The following ZBTB4 variants were observed in gnomAD, a reference collection of about 807,000 sequenced individuals.
ZBTB4 encodes zinc finger and BTB domain containing 4.
In ZBTB4, 14 loss-of-function variants were observed where a neutral mutation model predicts 59.8. The observed-to-expected ratio is 0.23, with a 90% CI of 0.15 to 0.37. The LOEUF (loss-of-function observed/expected upper bound fraction) is 0.37, where lower values mean the gene tolerates loss of function less well. Among genes scored for constraint, ZBTB4 ranks in the 10% least tolerant of loss-of-function variants. The probability of loss-of-function intolerance (pLI) is 1.00; values close to 1 mark genes in which losing one functional copy is unlikely to be tolerated. For synonymous variants in ZBTB4, 587 were observed against 575.2 expected, an observed-to-expected ratio of 1.02 and a Z score of -0.29; for missense variants, 1,198 against 1,380.8, an observed-to-expected ratio of 0.87 and a Z score of 2.10.
At position 7,462,865 on chromosome 17, in the gene ZBTB4, C is replaced by G. The variant is rs2070047125; in HGVS notation, c.2117G>C (p.Ser706Thr). ...CTCGGCCGCTGGGGTTTCCTCCCAG[C>G]TCCTCCGTTCCAGCTTCTGCCTCCA... ...PRWRQKLERR[S>T]WEETPAAESP... Residue 706 changes from serine (S) to threonine (T), a missense_variant, in exon 4 of 4, where the codon AGC becomes ACC. By Grantham distance (58) the Ser-to-Thr change is moderately conservative (BLOSUM62 1). This residue lies in a region of ZBTB4 where 550 missense variants were observed against 541.8 expected (regional missense o/e 1.02). Coordinates refer to ENST00000380599, the MANE Select transcript of ZBTB4 (RefSeq NM_001128833.2). This position sits in a 1 kb window ranked among gnomAD's most constrained non-coding sequence, Gnocchi z 7.5. The G allele has an allele frequency of 2.5e-6, 4 of 1,605,764 alleles. No individual in the cohort carries two copies. Among genetic ancestry groups the G allele is most frequent in the Non-Finnish European group, 3.4e-6 (4 of 1,179,824 alleles).
intron 1 of ZBTB4, among the ~76,000 whole-genome samples, chr17:7,468,112 C>T (rs934148860): frequency 8.5e-5 from 13 of 152,214 alleles, no homozygotes; most frequent in African/African-American, 2.7e-4. Flanking sequence ...GGCTCACGCC[C>T]GTAATCCCAG....
chr17:7,463,952 C>T, intron 3 of ZBTB4, 62 bp from the exon 4 acceptor site: 1 of 1,546,244 alleles, frequency 6.5e-7, no homozygotes, highest in Non-Finnish European at 8.7e-7. Flanking sequence ...GGCCCTGAAG[C>T]CTCCCAGGTC....
upstream of ZBTB4, among the ~76,000 whole-genome samples, chr17:7,481,064 T>C (rs1040303870): frequency 6.7e-6 from 1 of 148,336 alleles, no homozygotes; most frequent in Non-Finnish European, 1.5e-5. Flanking sequence ...GAGGATGAGG[T>C]AGGAGAATTG....
Position 7,462,244 on chromosome 17 carries a change from G to A in ZBTB4, c.2738C>T (p.Ala913Val). The stretch of plus-strand genomic sequence containing the variant: ...GGGCTCAGGGTAGAAAGTGACTTTG[G>A]CAGCCCCTATCCCCTCCATCCGGTC... Reference protein sequence around the residue: ...EGDRMEGIGAAKVTFYPEPYP... With the variant: ...EGDRMEGIGAVKVTFYPEPYP... Residue 913 changes from alanine (A) to valine (V), a missense_variant, in exon 4 of 4, where the codon GCC (alanine) becomes GTC (valine). Transcript: ENST00000380599. This position sits in a 1 kb window ranked among gnomAD's most constrained non-coding sequence, Gnocchi z 7.5. The A allele has an allele frequency of 6.2e-7, 1 of 1,613,638 alleles. No homozygotes were observed. The highest frequency in any genetic ancestry group is 8.5e-7 in the Non-Finnish European group (1 of 1,179,828).
intron 1 of ZBTB4, among the ~76,000 whole-genome samples, chr17:7,471,646 T>TA (rs1390807695): frequency 6.6e-6 from 1 of 152,202 alleles, no homozygotes; most frequent in Non-Finnish European, 1.5e-5. Flanking sequence ...CAAGGCCTTA[T>TA]AGGAAGTGGA....
At chr17:7,464,814 G>A (rs1449651357) in intron 3 of ZBTB4, among the ~76,000 whole-genome samples, 1 of 150,708 alleles carries the variant, frequency 6.6e-6, no homozygotes, top group Admixed American at 6.6e-5. Flanking sequence ...CTCCAGCCTG[G>A]GGGACAGAGC....
intron 1 of ZBTB4, among the ~76,000 whole-genome samples, chr17:7,470,228 T>G (rs1437202637): frequency 6.6e-6 from 1 of 151,538 alleles, no homozygotes; most frequent in African/African-American, 2.4e-5. Context: ...AGAAACCTGG[T>G]CTCTACAAAA....
chr17:7,462,348 G>A lies in ZBTB4; in HGVS notation c.2634C>T (p.Ala878=), dbSNP rs1416694992. Residue 878 remains alanine (A), a synonymous_variant, in exon 4 of 4, where the codon GCC becomes GCT. Transcript: ENST00000380599. The surrounding 1 kb of genome is among the most constrained non-coding windows in gnomAD (Gnocchi z 7.5). The part of the protein sequence containing the change: ...VYPPVQEFPL[A]LIGGGREPGG... Reference sequence around the variant, plus strand: ...CAGGTTCCCGGCCGCCCCCAATCAAGGCCAGTGGAAATTCCTGCACAGGTG... The same window carrying A: ...CAGGTTCCCGGCCGCCCCCAATCAAAGCCAGTGGAAATTCCTGCACAGGTG... 1.2e-6 allele frequency: 2 copies of A among 1,613,772 alleles called. No homozygotes were observed. The highest frequency in any genetic ancestry group is 2.7e-5 in the African/African-American group (2 of 74,856).
At chr17:7,477,340 G>A (rs1489893314) in intron 1 of ZBTB4, among the ~76,000 whole-genome samples, 14 of 152,196 alleles carry the variant, frequency 9.2e-5, no homozygotes, top group Admixed American at 7.9e-4. Context: ...CAGATCAAGT[G>A]CCAGTGAGGG....
chr17:7,462,790 C>A lies in ZBTB4; in HGVS notation c.2192G>T (p.Cys731Phe). 6.2e-7 allele frequency: 1 copy of A among 1,602,428 alleles called. No individual in the cohort carries two copies. Reference sequence around the variant, plus strand: ...TCTCAGGGTGGTGAAGGTCTGGGCACAGTCCCCGCATCGGTGCCTCCGCTC... The same window carrying A: ...TCTCAGGGTGGTGAAGGTCTGGGCAAAGTCCCCGCATCGGTGCCTCCGCTC... ...RTERRHRCGD[C>F]AQTFTTLRKL... is the part of the protein sequence containing the mutation. Residue 731 changes from cysteine (C) to phenylalanine (F), a missense_variant, in exon 4 of 4, where the codon TGT (cysteine) becomes TTT (phenylalanine). Cys to Phe is a radical substitution (Grantham distance 205). This residue lies in a region of ZBTB4 where 550 missense variants were observed against 541.8 expected (regional missense o/e 1.02). Coordinates refer to ENST00000380599, the MANE Select transcript of ZBTB4 (RefSeq NM_001128833.2). The surrounding 1 kb of genome is among the most constrained non-coding windows in gnomAD (Gnocchi z 7.5).
Position 7,463,078 on chromosome 17 carries a change from T to G in ZBTB4, c.1904A>C (p.Glu635Ala). ...CTCCTCCTCTTCGTCCTCCTCACTC[T>G]CCTCCATCTCCTCTCCGCTCAGCTC... Reference protein sequence around the residue: ...PGELSGEEMEESEEDEEEEDE... With the variant: ...PGELSGEEMEASEEDEEEEDE... Residue 635 changes from glutamate to alanine, a missense_variant, in exon 4 of 4, where the codon GAG becomes GCG. By Grantham distance (107) the Glu-to-Ala change is moderately radical. This residue lies in a region of ZBTB4 where 550 missense variants were observed against 541.8 expected (regional missense o/e 1.02). Transcript: ENST00000380599. 3 of 1,610,864 alleles carry G rather than the reference T, an allele frequency of 1.9e-6. No homozygotes were observed. Among genetic ancestry groups the G allele is most frequent in the Non-Finnish European group, 2.5e-6 (3 of 1,179,404 alleles).
Position 7,461,068 on chromosome 17 carries a change from C to T in ZBTB4, c.*872G>A, listed in dbSNP as rs1424937658. The T allele has an allele frequency of 1.3e-5, 2 of 152,668 alleles. No individual in the cohort carries two copies. The highest frequency in any genetic ancestry group is 2.9e-5 in the Non-Finnish European group (2 of 68,056). 9.5% of individuals were successfully genotyped at this position (152,668 alleles called of 1,614,324 possible). ...TCTCCATCCCATATGGAGTTCTTCC[C>T]TCCTGGCCCCCAAATCTGGTCTAGC... On this transcript the variant is annotated 3_prime_UTR_variant, in exon 4 of 4. Coordinates refer to ENST00000380599, the MANE Select transcript of ZBTB4 (RefSeq NM_001128833.2).
In ZBTB4 at chr17:7,466,027, C is replaced by G. The variant is rs1567686663; in HGVS notation, c.775G>C (p.Gly259Arg). The change falls in exon 3 of 4, where the codon GGG becomes CGG. Residue 259 changes from glycine to arginine, a missense_variant. Coordinates refer to ENST00000380599, the MANE Select transcript of ZBTB4 (RefSeq NM_001128833.2). The surrounding 1 kb of genome is among the most constrained non-coding windows in gnomAD (Gnocchi z 9.1). ...CCTGTAGACCCCCGCGTGCTGGCCC[C>G]TCGTCGGCACTGGGCCTCATGGGTC... is the stretch of plus-strand genomic sequence containing the variant. ...LQTHEAQCRR[G>R]ASTRGSTGLG... 6.2e-7 allele frequency: 1 copy of G among 1,608,090 alleles called. No individual in the cohort carries two copies. Among genetic ancestry groups the G allele is most frequent in the African/African-American group, 1.3e-5 (1 of 74,954 alleles).
chr17:7,473,481 A>C (rs949884220), intron 1 of ZBTB4, among the ~76,000 whole-genome samples: 3 of 151,506 alleles, frequency 2.0e-5, no homozygotes, highest in African/African-American at 7.3e-5. Flanking sequence ...GCTGGTCTTA[A>C]ACTCCTGACC....
chr17:7,481,532 G>A, upstream of ZBTB4: 1 of 1,551,316 alleles, frequency 6.4e-7, no homozygotes, highest in Non-Finnish European at 8.7e-7. Context: ...GAGTGTGGGG[G>A]CCAGGGGCCT....
upstream of ZBTB4, chr17:7,482,733 TCCC>T (rs1382445793): frequency 3.1e-6 from 5 of 1,611,930 alleles, no homozygotes; most frequent in Non-Finnish European, 4.2e-6. Context: ...CCCAGTGATC[TCCC>T]GAGTTGGAGT....
Position 7,477,552 on chromosome 17 carries a change from G to A in ZBTB4, c.-81+1904C>T, listed in dbSNP as rs182272723. Among the ~76,000 whole-genome samples, 317 of 152,308 alleles carry A rather than the reference G, an allele frequency of 2.1e-3. 3 individuals carry two copies. Among genetic ancestry groups the A allele is most frequent in the Non-Finnish European group, 1.8e-3 (125 of 68,032 alleles). Reference sequence around the variant, plus strand: ...GGGGCCGGGCACAGTAGACAGTGGTGTGCAGGCTTGGAATGCACTTGCACA... The same window carrying A: ...GGGGCCGGGCACAGTAGACAGTGGTATGCAGGCTTGGAATGCACTTGCACA... On this transcript the variant is annotated intron_variant, in intron 1 of 3. Transcript: ENST00000380599.
chr17:7,475,337 G>A (rs1222333542), intron 1 of ZBTB4, among the ~76,000 whole-genome samples: 1 of 151,624 alleles, frequency 6.6e-6, no homozygotes, highest in Admixed American at 6.6e-5. Flanking sequence ...GAGAAATTCC[G>A]TCTCAAAAAA....
At chr17:7,464,608 T>C (rs1395536826) in intron 3 of ZBTB4, among the ~76,000 whole-genome samples, 1 of 149,222 alleles carries the variant, frequency 6.7e-6, no homozygotes, top group East Asian at 2.0e-4. Context: ...GAGGCTGAGG[T>C]TGGCGAATCA....
Sources: allele counts gnomAD v4.1 joint callset (sites outside exome capture counted in the v4.1 genomes callset), GRCh38; gene constraint gnomAD v4.1.1; regional missense constraint gnomAD v4.1.1; non-coding constraint Gnocchi (gnomAD v3.1); transcripts MANE v1.5; gene names NCBI Gene and HGNC (gene_info 2026-07-23, HGNC 2026-07-21).